The following CGREF1 variants were observed in gnomAD, a reference collection of about 807,000 sequenced individuals.
The protein encoded by CGREF1 is cell growth regulator with EF hand domain protein 1.
Under a neutral mutation model 17.4 loss-of-function variants are expected in CGREF1, and 16 were observed. That is an observed-to-expected ratio of 0.92 (90% CI 0.62 to 1.40). CGREF1 has a LOEUF of 1.40. CGREF1 is among the 40% of genes most tolerant of loss of function. The pLI is 0.00. For missense variants in CGREF1, 296 were observed against 376.4 expected (o/e 0.79, Z 1.77); for synonymous variants, 142 against 154.6 (o/e 0.92, Z 0.61).
At position 27,101,035 on chromosome 2, in the gene CGREF1, A is replaced by C; in HGVS notation, c.*239T>G. The C allele has an allele frequency of 7.6e-7, 1 of 1,311,358 alleles. No homozygotes were observed. The highest frequency in any genetic ancestry group is 9.7e-7 in the Non-Finnish European group (1 of 1,036,064). 81.2% of individuals were successfully genotyped at this position (1,311,358 alleles called of 1,614,324 possible). A position where few individuals can be genotyped will look rare whatever the true frequency, so the allele number is the denominator to read the frequency against. ...CGGTCCCCAACCCCGTTCCTCTGAG[A>C]GGGTCTGGGCAGGCTGGACGGGTAG... On this transcript the variant is annotated 3_prime_UTR_variant, in exon 6 of 6. Transcript: ENST00000402394.
In CGREF1 at chr2:27,104,342, A is replaced by T. The variant is rs765279689; in HGVS notation, c.25T>A (p.Leu9Ile). 4 of 1,606,704 alleles carry T rather than the reference A, an allele frequency of 2.5e-6. No homozygotes were observed. Among genetic ancestry groups the T allele is most frequent in the Non-Finnish European group, 3.4e-6 (4 of 1,176,146 alleles). The stretch of plus-strand genomic sequence containing the variant: ...CCCGTGGGGAGCAGCAGCAGGATTA[A>T]CACTGTCATCGTCAAAGGTAACATC... MLPLTMTV[L>I]ILLLLPTGQA... Residue 9 changes from leucine to isoleucine, a missense_variant, in exon 2 of 6, where the codon TTA becomes ATA. By Grantham distance (5) the Leu-to-Ile change is conservative (BLOSUM62 2). Coordinates refer to ENST00000402394, the MANE Select transcript of CGREF1 (RefSeq NM_006569.6).
At chr2:27,104,513 A>G (rs1169557165) in intron 1 of CGREF1, 136 bp from the exon 2 acceptor site, 4 of 1,551,216 alleles carry the variant, frequency 2.6e-6, no homozygotes, top group Middle Eastern at 1.7e-4. Context: ...CTGCTCAGGG[A>G]GGACTCACAG....
At chr2:27,115,688 T>C (rs1015834625) in intron 1 of CGREF1, among the ~76,000 whole-genome samples, 2 of 152,232 alleles carry the variant, frequency 1.3e-5, no homozygotes, top group African/African-American at 4.8e-5. Context: ...GTCCAGAATC[T>C]TCACCTGGGC....
chr2:27,109,018 AC>A (rs1416680060), intron 1 of CGREF1, among the ~76,000 whole-genome samples: 1 of 151,796 alleles, frequency 6.6e-6, no homozygotes, highest in Non-Finnish European at 1.5e-5. Flanking sequence ...CAATCCTCCT[AC>A]CTTGTAAAAA....
At chr2:27,104,779 A>G in intron 1 of CGREF1, 1 of 1,472,700 alleles carries the variant, frequency 6.8e-7, no homozygotes, top group Non-Finnish European at 9.0e-7. Flanking sequence ...AAGGCCAGGT[A>G]AGAAACGCAG....
intron 1 of CGREF1, among the ~76,000 whole-genome samples, chr2:27,105,851 T>C (rs951928386): frequency 6.6e-6 from 1 of 152,220 alleles, no homozygotes; most frequent in Non-Finnish European, 1.5e-5. Context: ...TTGGCCCGTC[T>C]TCATTTTTCT....
chr2:27,103,044 C>CG, intron 2 of CGREF1: 1 of 985,344 alleles, frequency 1.0e-6, no homozygotes. Flanking sequence ...TTGACCTATA[C>CG]TTTTTCCAGG....
At chr2:27,116,871 T>TTCTCTCTCTCTCTCTCCCTCCCTCTCTC (rs1671587547) in intron 1 of CGREF1, among the ~76,000 whole-genome samples, 1 of 33,680 alleles carries the variant, frequency 3.0e-5, no homozygotes, top group African/African-American at 1.0e-4. Flanking sequence ...GCCAGGCCTA[T>TTCTCTCTCTCTCTCTCCCTCCCTCTCTC]TCTCTCTCTC....
intron 1 of CGREF1, among the ~76,000 whole-genome samples, chr2:27,111,777 G>T (rs1037636127): frequency 6.1e-5 from 9 of 148,096 alleles, no homozygotes; most frequent in Non-Finnish European, 1.2e-4. Flanking sequence ...GGGCCCCCGA[G>T]CCCACGCCCA....
downstream of CGREF1, chr2:27,100,488 C>T (rs1480116603): frequency 8.5e-6 from 11 of 1,290,936 alleles, no homozygotes; most frequent in South Asian, 2.5e-5. Flanking sequence ...CAGGGAGGTC[C>T]GATCTGGAAC....
intron 2 of CGREF1, among the ~76,000 whole-genome samples, chr2:27,104,007 T>C (rs1671015879): frequency 6.6e-6 from 1 of 151,850 alleles, no homozygotes; most frequent in Non-Finnish European, 1.5e-5. Context: ...AAACAAACAA[T>C]TGCAGCCCCC....
At chr2:27,111,750 C>T (rs974910782) in intron 1 of CGREF1, among the ~76,000 whole-genome samples, 1 of 151,904 alleles carries the variant, frequency 6.6e-6, no homozygotes, top group African/African-American at 2.4e-5. Context: ...CGGGGCCGGC[C>T]GGCAGCTCCG....
chr2:27,102,477 C>T, intron 3 of CGREF1, 47 bp from the exon 4 acceptor site: 2 of 1,613,540 alleles, frequency 1.2e-6, no homozygotes, highest in Non-Finnish European at 1.7e-6. Context: ...AGTCTGCAGC[C>T]CTGGGCCTGG....
At chr2:27,108,970 G>T (rs1374508799) in intron 1 of CGREF1, among the ~76,000 whole-genome samples, 1 of 151,960 alleles carries the variant, frequency 6.6e-6, no homozygotes, top group Non-Finnish European at 1.5e-5. Flanking sequence ...TAGAGACAGG[G>T]TCTCAACTTT....
chr2:27,101,900 G>C lies in CGREF1; in HGVS notation c.343-12C>G. 1 of 1,607,486 alleles carries C rather than the reference G, an allele frequency of 6.2e-7. No individual in the cohort carries two copies. Among genetic ancestry groups the C allele is most frequent in the Non-Finnish European group, 8.5e-7 (1 of 1,177,174 alleles). ...ACTATCAAGATCACCTGTGGAAGCA[G>C]AGTCACTGTGGGGTCTCCAGGGACA... On this transcript the variant is annotated splice_polypyrimidine_tract_variant and intron_variant, in intron 5 of 5. Transcript: ENST00000402394.
chr2:27,103,199 G>T, intron 2 of CGREF1: 1 of 792,156 alleles, frequency 1.3e-6, no homozygotes, highest in Non-Finnish European at 1.5e-6. Flanking sequence ...AGAGCTGGCA[G>T]GAGTTGCAGC....
intron 2 of CGREF1, 108 bp downstream of exon 2, chr2:27,104,179 G>A (rs572033331): frequency 8.0e-6 from 9 of 1,122,010 alleles, no homozygotes; most frequent in African/African-American, 7.8e-5. Context: ...AGAGATCGGG[G>A]AACCTACACC....
At chr2:27,116,002 C>T (rs1671551140) in intron 1 of CGREF1, among the ~76,000 whole-genome samples, 1 of 151,920 alleles carries the variant, frequency 6.6e-6, no homozygotes, top group Non-Finnish European at 1.5e-5. Flanking sequence ...TGCTTGAAGC[C>T]AGGAGTTCGA....
downstream of CGREF1, chr2:27,100,314 G>A: frequency 1.4e-6 from 1 of 724,116 alleles, no homozygotes; most frequent in Non-Finnish European, 2.1e-6. Context: ...CGCCTCCTCT[G>A]CCCTGCCCAC....
Sources: allele counts gnomAD v4.1 joint callset (sites outside exome capture counted in the v4.1 genomes callset), GRCh38; gene constraint gnomAD v4.1.1; transcripts MANE v1.5; gene names NCBI Gene and HGNC (gene_info 2026-07-23, HGNC 2026-07-21).